Variants in FAM171A1 observed in about 807,000 individuals in gnomAD.
FAM171A1 encodes the protein protein FAM171A1.
In FAM171A1, 23 loss-of-function variants were observed where a neutral mutation model predicts 74.9. The observed-to-expected ratio is 0.31, with a 90% CI of 0.22 to 0.44. FAM171A1 has a LOEUF of 0.44. Among genes scored for constraint, FAM171A1 ranks in the 20% least tolerant of loss-of-function variants. The probability of loss-of-function intolerance (pLI) is 1.00; values close to 1 mark genes in which losing one functional copy is unlikely to be tolerated. For synonymous variants in FAM171A1, 527 were observed against 505.7 expected, an observed-to-expected ratio of 1.04 and a Z score of -0.57; for missense variants, 1,162 against 1,159.2, an observed-to-expected ratio of 1.00 and a Z score of -0.03.
At chr10:15,217,218 A>T (rs1252924049) in intron 6 of FAM171A1, among the ~76,000 whole-genome samples, 1 of 152,214 alleles carries the variant, frequency 6.6e-6, no homozygotes, top group African/African-American at 2.4e-5. Flanking sequence ...TGTTACTAAC[A>T]ACAGATCAGC....
intron 5 of FAM171A1, among the ~76,000 whole-genome samples, chr10:15,228,528 G>A (rs2131726072): frequency 6.6e-6 from 1 of 152,088 alleles, no homozygotes. Flanking sequence ...TTTTTTAGTA[G>A]AGATGGGGTT....
At chr10:15,234,273 C>G (rs1420107586) in intron 5 of FAM171A1, among the ~76,000 whole-genome samples, 1 of 152,058 alleles carries the variant, frequency 6.6e-6, no homozygotes, top group Non-Finnish European at 1.5e-5. Flanking sequence ...ACGAAAGAAA[C>G]AAGAAACAAA....
chr10:15,275,537 T>G (rs1269222711), intron 3 of FAM171A1, among the ~76,000 whole-genome samples: 1 of 151,962 alleles, frequency 6.6e-6, no homozygotes, highest in Admixed American at 6.6e-5. Context: ...CCTCAAATGA[T>G]CAACCCACCT....
intron 1 of FAM171A1, among the ~76,000 whole-genome samples, chr10:15,338,147 A>G (rs1474254439): frequency 6.6e-6 from 1 of 152,230 alleles, no homozygotes; most frequent in Non-Finnish European, 1.5e-5. Context: ...TTAGAGCTAC[A>G]GAAACAAAGT....
intron 2 of FAM171A1, among the ~76,000 whole-genome samples, chr10:15,281,913 C>T (rs1048678521): frequency 1.3e-5 from 2 of 152,058 alleles, no homozygotes; most frequent in African/African-American, 2.4e-5. Context: ...TCTCAAATGA[C>T]CATGTTAACA....
Position 15,254,827 on chromosome 10 carries a change from A to G in FAM171A1, c.471T>C (p.Pro157=), listed in dbSNP as rs1834557505. The G allele has an allele frequency of 1.2e-6, 2 of 1,614,084 alleles. No homozygotes were observed. Among genetic ancestry groups the G allele is most frequent in the Non-Finnish European group, 1.7e-6 (2 of 1,180,016 alleles). The part of the protein sequence containing the change: ...VHFQRRALRL[P]ENTSYSDLTA... ...TCAGGTCACTGTAGCTGGTGTTCTCAGGCAACCTCAGAGCCCTTCTCTGGA... is the reference window on the plus strand; with the variant it reads ...TCAGGTCACTGTAGCTGGTGTTCTCGGGCAACCTCAGAGCCCTTCTCTGGA... Residue 157 remains proline, a synonymous_variant, in exon 4 of 8, where the codon CCT becomes CCC. Coordinates refer to ENST00000378116, the MANE Select transcript of FAM171A1 (RefSeq NM_001010924.2).
rs1464033434 is a variant in FAM171A1, at chr10:15,217,779, A to G, written c.872-1669T>C. 2.6e-5 allele frequency among the ~76,000 whole-genome samples: 4 copies of G among 151,710 alleles called. No homozygotes were observed. The East Asian group carries it at 7.8e-4, about 30-fold the overall frequency. ...CAGCCTCCTGAGTAGCTGGGATTATAGGCGCCCGCCACCATGCCTGGCTAA... is the reference window on the plus strand; with the variant it reads ...CAGCCTCCTGAGTAGCTGGGATTATGGGCGCCCGCCACCATGCCTGGCTAA... On this transcript the variant is annotated intron_variant, in intron 6 of 7. Transcript: ENST00000378116.
At chr10:15,235,316 A>C (rs1397038664) in intron 5 of FAM171A1, among the ~76,000 whole-genome samples, 3 of 151,324 alleles carry the variant, frequency 2.0e-5, no homozygotes, top group Non-Finnish European at 4.4e-5. Flanking sequence ...AAAAAAAAAA[A>C]AAAAAAAAAA....
intron 5 of FAM171A1, 64 bp downstream of exon 5, chr10:15,248,575 A>C (rs1438039143): frequency 6.7e-7 from 1 of 1,500,650 alleles, no homozygotes; most frequent in African/African-American, 1.4e-5. Context: ...AGCTTCTTAG[A>C]AGGAAAACCA....
chr10:15,276,163 T>C (rs1373263646), intron 2 of FAM171A1, among the ~76,000 whole-genome samples: 1 of 152,148 alleles, frequency 6.6e-6, no homozygotes, highest in Non-Finnish European at 1.5e-5. Flanking sequence ...TCATCTTTTT[T>C]CATTTGTTAG....
At chr10:15,303,364 C>T (rs989692155) in intron 1 of FAM171A1, among the ~76,000 whole-genome samples, 1 of 152,158 alleles carries the variant, frequency 6.6e-6, no homozygotes, top group Non-Finnish European at 1.5e-5. Context: ...CTTTGAACAG[C>T]GCAGCACCGT....
intron 1 of FAM171A1, among the ~76,000 whole-genome samples, chr10:15,290,305 G>A (rs370610918): frequency 5.2e-4 from 79 of 151,910 alleles, no homozygotes; most frequent in Middle Eastern, 6.8e-3. Flanking sequence ...CCCATCCCCT[G>A]CCCTCGGCTC....
intron 1 of FAM171A1, among the ~76,000 whole-genome samples, chr10:15,324,653 G>A (rs1835528655): frequency 6.6e-6 from 1 of 151,792 alleles, no homozygotes; most frequent in African/African-American, 2.4e-5. Flanking sequence ...ACCAAGGAAT[G>A]TTTAGAGGTT....
At chr10:15,225,211 CA>C (rs1834089381) in intron 5 of FAM171A1, among the ~76,000 whole-genome samples, 1 of 152,160 alleles carries the variant, frequency 6.6e-6, no homozygotes. Flanking sequence ...TAGAGATATG[CA>C]TAGAGTAGGA....
chr10:15,371,094 G>C lies in FAM171A1; in HGVS notation c.-42C>G, dbSNP rs923703512. The C allele has an allele frequency of 1.6e-5, 15 of 920,500 alleles. No individual in the cohort carries two copies. The African/African-American group carries it at 2.4e-4, about 15-fold the overall frequency. The allele number at this position is 920,500 out of a possible 1,614,324, so 57.0% of individuals were successfully genotyped here. A position where few individuals can be genotyped will look rare whatever the true frequency, so the allele number is the denominator to read the frequency against. On this transcript the variant is annotated 5_prime_UTR_variant, in exon 1 of 8. Transcript: ENST00000378116. ...GCGGCGGCTCGGGCTCGCCGAGAGC[G>C]GGCCGGGCGGCGGCGCGTCACGGGC... is the stretch of plus-strand genomic sequence containing the variant.
At chr10:15,229,665 A>T (rs1459198827) in intron 5 of FAM171A1, among the ~76,000 whole-genome samples, 1 of 140,008 alleles carries the variant, frequency 7.1e-6, no homozygotes, top group East Asian at 2.2e-4. Context: ...CACCATTGTC[A>T]CCCCCATCAC....
At chr10:15,354,204 G>A (rs1428605214) in intron 1 of FAM171A1, among the ~76,000 whole-genome samples, 1 of 152,074 alleles carries the variant, frequency 6.6e-6, no homozygotes, top group East Asian at 1.9e-4. Context: ...TGCATAAAAA[G>A]TGGTGGGCAG....
chr10:15,316,766 G>A (rs927748958), intron 1 of FAM171A1, among the ~76,000 whole-genome samples: 7 of 152,102 alleles, frequency 4.6e-5, no homozygotes, highest in Admixed American at 3.3e-4. Flanking sequence ...GTTCACTCCC[G>A]GTAGGAATAC....
chr10:15,218,072 A>G (rs55801436), intron 6 of FAM171A1, among the ~76,000 whole-genome samples: 28,260 of 151,932 alleles, frequency 0.19, 3,133 homozygotes, highest in East Asian at 0.3. Context: ...TACTCAAAGC[A>G]TTATTGTTTT....
Sources: allele counts gnomAD v4.1 joint callset (sites outside exome capture counted in the v4.1 genomes callset), GRCh38; gene constraint gnomAD v4.1.1; transcripts MANE v1.5; gene names NCBI Gene and HGNC (gene_info 2026-07-23, HGNC 2026-07-21).